C1QTNF3: variants seen among roughly 807,000 people sequenced by gnomAD.
The protein encoded by C1QTNF3 is C1q and TNF related 3, also known as complement C1q tumor necrosis factor-related protein 3.
Under a neutral mutation model 32.6 loss-of-function variants are expected in C1QTNF3, and 26 were observed. The observed-to-expected ratio is 0.80, with a 90% CI of 0.58 to 1.11. The LOEUF (loss-of-function observed/expected upper bound fraction) is 1.11, where lower values mean the gene tolerates loss of function less well. C1QTNF3 is among the 50% of genes least tolerant of loss of function. The pLI is 0.00. For missense variants in C1QTNF3, 362 were observed against 398.2 expected (o/e 0.91, Z 0.77); for synonymous variants, 155 against 146.0 (o/e 1.06, Z -0.44).
At chr5:34,197,139 T>G in the C1QTNF3 span, among the ~76,000 whole-genome samples, 6 of 152,300 alleles carry the variant, frequency 3.9e-5, no homozygotes, top group Non-Finnish European at 7.3e-5. Context: ...AAACGTTCTT[T>G]AAAGAACAAA....
chr5:34,232,951 G>A, the C1QTNF3 span, among the ~76,000 whole-genome samples: 1 of 47,862 alleles, frequency 2.1e-5, no homozygotes, highest in Admixed American at 3.7e-4. Context: ...CAATGGCTCT[G>A]TTCCCTTATA....
At chr5:34,036,747 T>G (rs1053049182) in intron 1 of C1QTNF3, among the ~76,000 whole-genome samples, 3 of 151,932 alleles carry the variant, frequency 2.0e-5, no homozygotes, top group African/African-American at 4.8e-5. Flanking sequence ...AGGTCAGGAG[T>G]TGGAGACCAG....
the C1QTNF3 span, among the ~76,000 whole-genome samples, chr5:34,141,342 T>C: frequency 6.6e-6 from 1 of 152,132 alleles, no homozygotes; most frequent in African/African-American, 2.4e-5. Flanking sequence ...ATAGTCTCGA[T>C]CTCCTGACCT....
At chr5:34,221,923 T>C in the C1QTNF3 span, among the ~76,000 whole-genome samples, 3 of 151,986 alleles carry the variant, frequency 2.0e-5, no homozygotes, top group African/African-American at 4.8e-5. Flanking sequence ...TGCCCAGCAA[T>C]AGAGCATTTC....
At chr5:34,120,369 T>C in the C1QTNF3 span, among the ~76,000 whole-genome samples, 1 of 151,720 alleles carries the variant, frequency 6.6e-6, no homozygotes, top group African/African-American at 2.4e-5. Context: ...TAAATCACAT[T>C]TTTTTTTTCA....
the C1QTNF3 span, among the ~76,000 whole-genome samples, chr5:34,084,732 T>C: frequency 6.8e-6 from 1 of 147,876 alleles, no homozygotes; most frequent in African/African-American, 2.6e-5. Flanking sequence ...TAGCCCTTTG[T>C]CAGATGGATA....
At chr5:34,035,786 A>T in intron 1 of C1QTNF3, 28 bp from the exon 2 acceptor site, 1 of 1,538,930 alleles carries the variant, frequency 6.5e-7, no homozygotes, top group Non-Finnish European at 8.9e-7. Context: ...GAAGCTTCAG[A>T]AAAAAAGGTA....
the C1QTNF3 span, among the ~76,000 whole-genome samples, chr5:34,195,581 C>T: frequency 6.6e-6 from 1 of 152,244 alleles, no homozygotes; most frequent in African/African-American, 2.4e-5. Context: ...GTGGCTCATG[C>T]CTGTAATCCC....
the C1QTNF3 span, among the ~76,000 whole-genome samples, chr5:34,052,808 T>C: frequency 6.6e-6 from 1 of 152,236 alleles, no homozygotes; most frequent in Non-Finnish European, 1.5e-5. Flanking sequence ...TCTGCATAAA[T>C]TGTTTTGTAT....
At chr5:34,235,392 G>A in the C1QTNF3 span, among the ~76,000 whole-genome samples, 1 of 152,080 alleles carries the variant, frequency 6.6e-6, no homozygotes, top group Admixed American at 6.6e-5. Context: ...GTATGTGGTG[G>A]TATAGCCTAG....
chr5:34,169,204 T>C, the C1QTNF3 span: 2 of 152,172 alleles, frequency 1.3e-5, no homozygotes, highest in Non-Finnish European at 2.9e-5. Flanking sequence ...AGTAAATATT[T>C]TGTAATAGTA....
At chr5:34,141,645 T>C in the C1QTNF3 span, among the ~76,000 whole-genome samples, 5 of 152,176 alleles carry the variant, frequency 3.3e-5, no homozygotes, top group Non-Finnish European at 7.3e-5. Flanking sequence ...AAGACTAATA[T>C]TGCAGAATCT....
At chr5:34,129,168 T>C in the C1QTNF3 span, among the ~76,000 whole-genome samples, 1 of 152,186 alleles carries the variant, frequency 6.6e-6, no homozygotes, top group South Asian at 2.1e-4. Flanking sequence ...TTCCCCTTTG[T>C]CTTTTGCCAT....
Position 34,027,724 on chromosome 5 carries a change from T to C in C1QTNF3, c.700+1030A>G, listed in dbSNP as rs59131690. ...TCTAGAAACAAACAAACAAAAAAAA[T>C]CCACCACCACCAAAAAAAAAAAAAA... On this transcript the variant is annotated intron_variant, in intron 4 of 5. Transcript: ENST00000382065. 5.1e-3 allele frequency among the ~76,000 whole-genome samples: 156 copies of C among 30,354 alleles called. No individual in the cohort carries two copies. In the Middle Eastern group the frequency reaches 0.071, roughly 14 times the overall value. The allele number at this position is 30,354 out of a possible 152,430, so 19.9% of individuals were successfully genotyped here. A position where few individuals can be genotyped will look rare whatever the true frequency, so the allele number is the denominator to read the frequency against.
At chr5:34,196,690 C>T in the C1QTNF3 span, among the ~76,000 whole-genome samples, 5,376 of 104,726 alleles carry the variant, frequency 0.051, no homozygotes, top group East Asian at 0.16. Context: ...GATGGAGTCT[C>T]GCTCTGTCCC....
the C1QTNF3 span, among the ~76,000 whole-genome samples, chr5:34,212,646 A>G: frequency 2.0e-5 from 3 of 151,160 alleles, no homozygotes; most frequent in African/African-American, 7.3e-5. Flanking sequence ...CAAAAAACAC[A>G]TGAAAAAATG....
At chr5:34,225,816 TA>T in the C1QTNF3 span, among the ~76,000 whole-genome samples, 2 of 151,966 alleles carry the variant, frequency 1.3e-5, no homozygotes, top group Non-Finnish European at 2.9e-5. Flanking sequence ...GACCTAAACT[TA>T]TCATTAAAGA....
At chr5:34,075,879 GT>G in the C1QTNF3 span, among the ~76,000 whole-genome samples, 1 of 27,246 alleles carries the variant, frequency 3.7e-5, no homozygotes, top group African/African-American at 9.9e-5. Flanking sequence ...CAATTATGGT[GT>G]GTGTGTGTGT....
chr5:34,130,942 G>GCA, the C1QTNF3 span, among the ~76,000 whole-genome samples: 2 of 152,158 alleles, frequency 1.3e-5, no homozygotes, highest in Non-Finnish European at 2.9e-5. Context: ...AGAGAACACA[G>GCA]CATACTTTAT....
Sources: gnomAD v4.1 joint callset for allele counts (sites outside exome capture counted in the v4.1 genomes callset) on GRCh38, gnomAD v4.1.1 for gene constraint, MANE v1.5 for transcripts, NCBI Gene and HGNC (gene_info 2026-07-23, HGNC 2026-07-21) for gene names.